Variants in ZSCAN10 observed in about 807,000 individuals in gnomAD.
ZSCAN10 encodes zinc finger and SCAN domain containing 10, also known as zinc finger and SCAN domain-containing protein 10.
Under a neutral mutation model 63.7 loss-of-function variants are expected in ZSCAN10, and 52 were observed. The observed-to-expected ratio is 0.82, with a 90% CI of 0.65 to 1.03. The LOEUF (loss-of-function observed/expected upper bound fraction) is 1.03, where lower values mean the gene tolerates loss of function less well. ZSCAN10 is among the 50% of genes least tolerant of loss of function. ZSCAN10 has a pLI of 0.00. For synonymous variants in ZSCAN10, 544 were observed against 479.6 expected (o/e 1.13, Z -1.76); for missense variants, 1,223 against 1,103.8 (o/e 1.11, Z -1.53).
At chr16:3,094,203 G>C (rs552818200) in intron 1 of ZSCAN10, among the ~76,000 whole-genome samples, 1 of 152,064 alleles carries the variant, frequency 6.6e-6, no homozygotes, top group East Asian at 1.9e-4. Context: ...TTGTAGACAC[G>C]AGTTCTCATT....
In ZSCAN10 at chr16:3,089,846, C is replaced by G. The variant is rs199734696; in HGVS notation, c.1588G>C (p.Ala530Pro). 1.2e-5 allele frequency: 19 copies of G among 1,548,926 alleles called. 1 individual carries two copies. In the Admixed American group the frequency reaches 3.6e-4, roughly 29 times the overall value. ...RPFVCSDCGK[A>P]FRRSEHLVAH... Reference sequence around the variant, plus strand: ...ACCAGGTGCTCGCTGCGCCGGAAGGCCTTGCCGCAGTCGCTGCACACGAAG... The same window carrying G: ...ACCAGGTGCTCGCTGCGCCGGAAGGGCTTGCCGCAGTCGCTGCACACGAAG... Residue 530 changes from alanine to proline, a missense_variant, in exon 6 of 6, where the codon GCC becomes CCC. Coordinates refer to ENST00000576985, the MANE Select transcript of ZSCAN10 (RefSeq NM_032805.3).
At position 3,089,085 on chromosome 16, in the gene ZSCAN10, G is replaced by C. The variant is rs1268814452; in HGVS notation, c.*6C>G. 4.1e-5 allele frequency: 60 copies of C among 1,479,864 alleles called. No homozygotes were observed. The highest frequency in any genetic ancestry group is 5.2e-5 in the Non-Finnish European group (59 of 1,127,104). 91.7% of individuals were successfully genotyped at this position (1,479,864 alleles called of 1,614,324 possible). A position where few individuals can be genotyped will look rare whatever the true frequency, so the allele number is the denominator to read the frequency against. ...GCAGGGCGCGGCTGGCGGAAGGCGG[G>C]CCAAGCTAGTACAGCGTCTCGCGGG... On this transcript the variant is annotated 3_prime_UTR_variant, in exon 6 of 6. Coordinates refer to ENST00000576985, the MANE Select transcript of ZSCAN10 (RefSeq NM_032805.3).
chr16:3,095,553 G>C (rs556555495), intron 1 of ZSCAN10, among the ~76,000 whole-genome samples: 2 of 149,012 alleles, frequency 1.3e-5, no homozygotes, highest in South Asian at 2.1e-4. Context: ...AGTTGCTGGG[G>C]GCACTGAGTG....
rs141587079 is a variant in ZSCAN10, at chr16:3,092,055, C to G, written c.658G>C (p.Glu220Gln). 25 of 1,560,076 alleles carry G rather than the reference C, an allele frequency of 1.6e-5. No homozygotes were observed. Among genetic ancestry groups the G allele is most frequent in the Non-Finnish European group, 2.2e-5 (25 of 1,152,648 alleles). The part of the protein sequence containing the change: ...GPQKTFQALQ[E>Q]SSPQGPSPWP... ...TAGGGCACAAGCTCCTCACTGCTTT[C>G]TTGCAGGGCCTGGAATGTCTTCTGG... Residue 220 changes from glutamate to glutamine, a missense_variant, in exon 3 of 6, where the codon GAA (glutamate) becomes CAA (glutamine). By Grantham distance (29) the Glu-to-Gln change is conservative. Transcript: ENST00000576985.
At chr16:3,093,396 G>C (rs1434223401) in intron 1 of ZSCAN10, 1 of 151,986 alleles carries the variant, frequency 6.6e-6, no homozygotes, top group East Asian at 2.0e-4. Context: ...GGCTAATTTA[G>C]TCCCAGCTGC....
In ZSCAN10 at chr16:3,089,425, CGG is replaced by C; in HGVS notation, c.2007_2008del (p.His669GlnfsTer5). 1 of 1,604,532 alleles carries C rather than the reference CGG, an allele frequency of 6.2e-7. No individual in the cohort carries two copies. Among genetic ancestry groups the C allele is most frequent in the Non-Finnish European group, 8.5e-7 (1 of 1,178,340 alleles). On this transcript the variant is annotated frameshift_variant, in exon 6 of 6. Coordinates refer to ENST00000576985, the MANE Select transcript of ZSCAN10 (RefSeq NM_032805.3). LOFTEE classifies it high-confidence loss of function. ...GGCCAGGTTGGAGCTATTGCGGAAA[CGG>C]TGGCCGCAGGTGTCGCAGGCGTGGG... is the stretch of plus-strand genomic sequence containing the variant.
chr16:3,097,566 G>A (rs986992032), intron 1 of ZSCAN10, among the ~76,000 whole-genome samples: 1 of 152,148 alleles, frequency 6.6e-6, no homozygotes, highest in Non-Finnish European at 1.5e-5. Context: ...TTCAACCCCT[G>A]CATGTGTGAG....
Position 3,089,757 on chromosome 16 carries a change from G to A in ZSCAN10, c.1677C>T (p.Phe559=). The A allele has an allele frequency of 6.3e-7, 1 of 1,599,770 alleles. No individual in the cohort carries two copies. Among genetic ancestry groups the A allele is most frequent in the East Asian group, 2.2e-5 (1 of 44,784 alleles). The part of the protein sequence containing the change: ...PFSCQACGRS[F]TQSSQLVSHQ... ...GGCTGACCAGCTGCGAGCTCTGCGT[G>A]AAGCTGCGGCCGCAAGCCTGGCAGG... Residue 559 remains phenylalanine, a synonymous_variant, in exon 6 of 6, where the codon TTC becomes TTT. Coordinates refer to ENST00000576985, the MANE Select transcript of ZSCAN10 (RefSeq NM_032805.3).
In ZSCAN10 at chr16:3,089,878, C is replaced by G; in HGVS notation, c.1556G>C (p.Arg519Pro). The change falls in exon 6 of 6, where the codon CGG becomes CCG. Residue 519 changes from arginine (R) to proline (P), a missense_variant. Coordinates refer to ENST00000576985, the MANE Select transcript of ZSCAN10 (RefSeq NM_032805.3). ...GSGSRRRDSD[R>P]RPFVCSDCGK... ...GCAGTCGCTGCACACGAAGGGCCTC[C>G]GGTCGGAGTCCCGGCGGCGGCTGCC... 1 of 1,536,716 alleles carries G rather than the reference C, an allele frequency of 6.5e-7. No homozygotes were observed. The highest frequency in any genetic ancestry group is 2.0e-5 in the Admixed American group (1 of 50,946).
chr16:3,096,580 G>C (rs1957155202), intron 1 of ZSCAN10: 2 of 152,232 alleles, frequency 1.3e-5, no homozygotes, highest in South Asian at 4.1e-4. Context: ...TCACAGTTCT[G>C]TTGGGCCCAT....
Position 3,092,037 on chromosome 16 carries a change from C to G in ZSCAN10, c.664+12G>C, listed in dbSNP as rs1191854085. ...ACCCAGTCCTTGGCCTCCTAGGGCACAAGCTCCTCACTGCTTTCTTGCAGG... is the reference window on the plus strand; with the variant it reads ...ACCCAGTCCTTGGCCTCCTAGGGCAGAAGCTCCTCACTGCTTTCTTGCAGG... On this transcript the variant is annotated intron_variant, in intron 3 of 5. Transcript: ENST00000576985. The G allele has an allele frequency of 6.4e-6, 10 of 1,552,338 alleles. No individual in the cohort carries two copies. In the East Asian group the frequency reaches 2.3e-4, roughly 35 times the overall value.
intron 1 of ZSCAN10, among the ~76,000 whole-genome samples, chr16:3,094,684 C>T (rs950516667): frequency 6.6e-6 from 1 of 151,830 alleles, no homozygotes; most frequent in Non-Finnish European, 1.5e-5. Flanking sequence ...TGTTTAGGGC[C>T]TTGCAGGGAA....
At chr16:3,098,682 A>G (rs1479145984) in intron 1 of ZSCAN10, among the ~76,000 whole-genome samples, 1 of 152,100 alleles carries the variant, frequency 6.6e-6, no homozygotes, top group African/African-American at 2.4e-5. Flanking sequence ...CTGGGTAGGG[A>G]GGCAGGCAGA....
Position 3,092,598 on chromosome 16 carries a change from C to T in ZSCAN10, c.340G>A (p.Glu114Lys). The change falls in exon 2 of 6, where the codon GAG becomes AAG. Residue 114 changes from glutamate to lysine, a missense_variant. By Grantham distance (56) the Glu-to-Lys change is moderately conservative (BLOSUM62 1). Coordinates refer to ENST00000576985, the MANE Select transcript of ZSCAN10 (RefSeq NM_032805.3). ...ATGCCCTCGAGCAGCAGCACCACCTCCTCCCCATCCCTGAGCGGCTGCCCC... is the reference window on the plus strand; with the variant it reads ...ATGCCCTCGAGCAGCAGCACCACCTTCTCCCCATCCCTGAGCGGCTGCCCC... ...LQGQPLRDGE[E>K]VVLLLEGIHR... 4 of 1,595,930 alleles carry T rather than the reference C, an allele frequency of 2.5e-6. No individual in the cohort carries two copies. Among genetic ancestry groups the T allele is most frequent in the Non-Finnish European group, 1.7e-6 (2 of 1,171,902 alleles).
intron 1 of ZSCAN10, among the ~76,000 whole-genome samples, chr16:3,097,736 T>C (rs1359188326): frequency 6.6e-6 from 1 of 152,094 alleles, no homozygotes; most frequent in Non-Finnish European, 1.5e-5. Flanking sequence ...AGGAGCTGTG[T>C]CTAGTTCAAT....
At position 3,090,313 on chromosome 16, in the gene ZSCAN10, C is replaced by G. The variant is rs769261525; in HGVS notation, c.1121G>C (p.Arg374Pro). 3 of 1,608,312 alleles carry G rather than the reference C, an allele frequency of 1.9e-6. No individual in the cohort carries two copies. The highest frequency in any genetic ancestry group is 2.2e-5 in the South Asian group (2 of 90,640). Reference protein sequence around the residue: ...AHQLRSHPAGRSFLCLCCGKS... With the variant: ...AHQLRSHPAGPSFLCLCCGKS... ...CCCGCAGCAAAGGCACAGGAAGGAGCGCCCAGCCGGGTGCGAGCGCAGCTG... is the reference window on the plus strand; with the variant it reads ...CCCGCAGCAAAGGCACAGGAAGGAGGGCCCAGCCGGGTGCGAGCGCAGCTG... The change falls in exon 6 of 6, where the codon CGC (arginine) becomes CCC (proline). Residue 374 changes from arginine (R) to proline (P), a missense_variant. Physicochemically the swap from Arg to Pro is moderately radical, Grantham distance 103 (BLOSUM62 -2). Transcript: ENST00000576985.
At chr16:3,091,916 C>T (rs988395268) in intron 3 of ZSCAN10, 88 bp from the exon 4 acceptor site, 23 of 1,596,328 alleles carry the variant, frequency 1.4e-5, no homozygotes, top group African/African-American at 1.1e-4. Flanking sequence ...CCGCATCATC[C>T]GGGCCCTGTG....
At chr16:3,091,712 G>C (rs12935803) in intron 4 of ZSCAN10, 52 bp downstream of exon 4, 582,307 of 1,595,002 alleles carry the variant, frequency 0.37, 111,816 homozygotes, top group South Asian at 0.41. Flanking sequence ...AAAACTACAG[G>C]GTAGAGAAGT....
At chr16:3,091,630 G>C (rs765211515) in intron 4 of ZSCAN10, 33 bp from the exon 5 acceptor site, 1 of 1,613,666 alleles carries the variant, frequency 6.2e-7, no homozygotes, top group Non-Finnish European at 8.5e-7. Flanking sequence ...TGGTGAGTGA[G>C]GAACATGCCT....
Sources: allele counts gnomAD v4.1 joint callset (sites outside exome capture counted in the v4.1 genomes callset), GRCh38; gene constraint gnomAD v4.1.1; transcripts MANE v1.5; gene names NCBI Gene and HGNC (gene_info 2026-07-23, HGNC 2026-07-21).